The following HNRNPR variants were observed in gnomAD, a reference collection of about 807,000 sequenced individuals.
HNRNPR encodes the protein heterogeneous nuclear ribonucleoprotein R.
Under a neutral mutation model 70.3 loss-of-function variants are expected in HNRNPR, and 4 were observed. The observed-to-expected ratio is 0.06, with a 90% CI of 0.03 to 0.13. The LOEUF (loss-of-function observed/expected upper bound fraction) is 0.13, where lower values mean the gene tolerates loss of function less well. HNRNPR is among the 10% of genes least tolerant of loss of function. HNRNPR has a pLI of 1.00. For synonymous variants in HNRNPR, 241 were observed against 267.6 expected (o/e 0.90, Z 0.97); for missense variants, 423 against 788.5 (o/e 0.54, Z 5.55).
chr1:23,318,362 CA>C lies in HNRNPR; in HGVS notation c.1017+120del. 1.2e-6 allele frequency: 1 copy of C among 814,030 alleles called. No individual in the cohort carries two copies. The highest frequency in any genetic ancestry group is 1.9e-6 in the Non-Finnish European group (1 of 515,238). The allele number at this position is 814,030 out of a possible 1,614,324, so 50.4% of individuals were successfully genotyped here. A position where few individuals can be genotyped will look rare whatever the true frequency, so the allele number is the denominator to read the frequency against. On this transcript the variant is annotated intron_variant, in intron 8 of 10. Transcript: ENST00000302271. The surrounding 1 kb of genome is among the most constrained non-coding windows in gnomAD (Gnocchi z 4.2). ...CTTTAGTGTTAAAGCCGCTCCTTGC[CA>C]AACAGTTGAAGTCTAAAGCTACAAT...
chr1:23,340,543 T>C (rs1027885586), intron 2 of HNRNPR, among the ~76,000 whole-genome samples: 1 of 152,174 alleles, frequency 6.6e-6, no homozygotes, highest in African/African-American at 2.4e-5. Context: ...ATGACTGATT[T>C]TGATTAAGAA....
rs149691037 is a variant in HNRNPR, at chr1:23,326,255, C to A, written c.499-2523G>T. Among the ~76,000 whole-genome samples the A allele has an allele frequency of 1.1e-3, 164 of 152,076 alleles. 1 individual carries two copies. The highest frequency in any genetic ancestry group is 6.8e-3 in the Middle Eastern group (2 of 294). ...CAACACATCTACTACATGCTTAATA[C>A]CGTGAAGCCAAAGAGAAGTAGAAAC... On this transcript the variant is annotated intron_variant, in intron 5 of 10. Coordinates refer to ENST00000302271, the MANE Select transcript of HNRNPR (RefSeq NM_005826.5).
rs1305862048 is a variant in HNRNPR at position 23,309,340 on chromosome 1, G to A, written c.*1114C>T. On this transcript the variant is annotated 3_prime_UTR_variant, in exon 11 of 11. Transcript: ENST00000302271. ...AGTCCGCAGTGCAATTGACGCCACA[G>A]TACTAACAATTTTCCCTGTATGTAC... 1 of 152,092 alleles carries A rather than the reference G, an allele frequency of 6.6e-6. No homozygotes were observed. Among genetic ancestry groups the A allele is most frequent in the Non-Finnish European group, 1.5e-5 (1 of 67,974 alleles). The allele number at this position is 152,092 out of a possible 1,614,324, so 9.4% of individuals were successfully genotyped here.
chr1:23,315,302 AAAAC>A lies in HNRNPR; in HGVS notation c.1018-1604_1018-1601del, dbSNP rs1645496585. ...CTCAAAAAAAAAAAAAAAAAAAAAA[AAAAC>A]AAAAACCCAAAAAATGAAGAGGAGC... On this transcript the variant is annotated intron_variant, in intron 8 of 10. Transcript: ENST00000302271. 2.0e-4 allele frequency among the ~76,000 whole-genome samples: 25 copies of A among 127,172 alleles called. 1 individual carries two copies. The highest frequency in any genetic ancestry group is 8.5e-4 in the African/African-American group (25 of 29,536). The allele number at this position is 127,172 out of a possible 152,430, so 83.4% of individuals were successfully genotyped here. A position where few individuals can be genotyped will look rare whatever the true frequency, so the allele number is the denominator to read the frequency against.
chr1:23,307,874 G>A lies in HNRNPR; in HGVS notation c.*2580C>T, dbSNP rs375417649. 9.3e-5 allele frequency: 14 copies of A among 149,906 alleles called. No individual in the cohort carries two copies. The highest frequency in any genetic ancestry group is 3.4e-4 in the African/African-American group (14 of 40,782). 9.3% of individuals were successfully genotyped at this position (149,906 alleles called of 1,614,324 possible). The stretch of plus-strand genomic sequence containing the variant: ...AAAAAGATGGAAAGACAGGAGAGCA[G>A]GAAACCAAATTCCTTACACTCATAA... On this transcript the variant is annotated 3_prime_UTR_variant, in exon 11 of 11. Coordinates refer to ENST00000302271, the MANE Select transcript of HNRNPR (RefSeq NM_005826.5).
intron 8 of HNRNPR, among the ~76,000 whole-genome samples, chr1:23,315,302 A>AC (rs1248993845): frequency 0.013 from 1,607 of 127,130 alleles, 114 homozygotes; most frequent in Admixed American, 0.029. Context: ...AAAAAAAAAA[A>AC]AAACAAAAAC....
intron 1 of HNRNPR, among the ~76,000 whole-genome samples, chr1:23,343,579 G>A (rs184422878): frequency 3.2e-4 from 48 of 152,242 alleles, no homozygotes; most frequent in African/African-American, 1.1e-3. Context: ...TCCATTTCAG[G>A]CGCCGCTTGG....
intron 6 of HNRNPR, 112 bp from the exon 7 acceptor site, chr1:23,321,775 C>T: frequency 2.1e-6 from 2 of 962,884 alleles, no homozygotes; most frequent in Non-Finnish European, 3.0e-6. Context: ...TTCATCAACT[C>T]ACCAAGTTCC....
At chr1:23,325,079 G>A (rs2148398986) in intron 5 of HNRNPR, among the ~76,000 whole-genome samples, 1 of 152,182 alleles carries the variant, frequency 6.6e-6, no homozygotes, top group East Asian at 1.9e-4. Context: ...GGCGGAGCTT[G>A]CAGGGAGCCG....
chr1:23,324,020 A>T (rs1207492671), intron 5 of HNRNPR, among the ~76,000 whole-genome samples: 1 of 152,062 alleles, frequency 6.6e-6, no homozygotes, highest in African/African-American at 2.4e-5. Context: ...TCATAAAAAC[A>T]GAATAAAGGA....
At chr1:23,326,740 G>A (rs973410000) in intron 5 of HNRNPR, among the ~76,000 whole-genome samples, 5 of 152,226 alleles carry the variant, frequency 3.3e-5, no homozygotes, top group Admixed American at 6.5e-5. Context: ...AGCTGAGATC[G>A]CGCCATTGCA....
rs963803426 is a variant in HNRNPR, at chr1:23,318,353, G to A, written c.1017+130C>T. The A allele has an allele frequency of 2.9e-5, 21 of 725,730 alleles. No individual in the cohort carries two copies. The highest frequency in any genetic ancestry group is 1.1e-4 in the South Asian group (6 of 53,692). 45.0% of individuals were successfully genotyped at this position (725,730 alleles called of 1,614,324 possible). A position where few individuals can be genotyped will look rare whatever the true frequency, so the allele number is the denominator to read the frequency against. Reference sequence around the variant, plus strand: ...GGCTGTTAACTTTAGTGTTAAAGCCGCTCCTTGCCAAACAGTTGAAGTCTA... The same window carrying A: ...GGCTGTTAACTTTAGTGTTAAAGCCACTCCTTGCCAAACAGTTGAAGTCTA... On this transcript the variant is annotated intron_variant, in intron 8 of 10. Transcript: ENST00000302271. This position sits in a 1 kb window ranked among gnomAD's most constrained non-coding sequence, Gnocchi z 4.2.
chr1:23,341,719 T>TA (rs956903972), intron 1 of HNRNPR, among the ~76,000 whole-genome samples: 293 of 151,284 alleles, frequency 1.9e-3, no homozygotes, highest in African/African-American at 6.7e-3. Flanking sequence ...GGTTGCTTCT[T>TA]AAAAAAAAAG....
At position 23,318,169 on chromosome 1, in the gene HNRNPR, A is replaced by G. The variant is rs548823660; in HGVS notation, c.1017+314T>C. On this transcript the variant is annotated intron_variant, in intron 8 of 10. Coordinates refer to ENST00000302271, the MANE Select transcript of HNRNPR (RefSeq NM_005826.5). This position sits in a 1 kb window ranked among gnomAD's most constrained non-coding sequence, Gnocchi z 4.2. ...ACTTCTCTCTTTACTCAGGACTTTT[A>G]AAAAAAAAAAAAACCTCTATCCCTC... Among the ~76,000 whole-genome samples, 1 of 132,572 alleles carries G rather than the reference A, an allele frequency of 7.5e-6. No individual in the cohort carries two copies. The highest frequency in any genetic ancestry group is 3.3e-5 in the African/African-American group (1 of 30,480). The allele number at this position is 132,572 out of a possible 152,430, so 87.0% of individuals were successfully genotyped here. A position where few individuals can be genotyped will look rare whatever the true frequency, so the allele number is the denominator to read the frequency against.
intron 4 of HNRNPR, among the ~76,000 whole-genome samples, chr1:23,336,103 C>T (rs1481093391): frequency 4.6e-5 from 4 of 86,700 alleles, no homozygotes; most frequent in African/African-American, 1.9e-4. Flanking sequence ...GGCGACAGAG[C>T]GAGACTCCGT....
At chr1:23,327,996 A>C (rs1646059768) in intron 5 of HNRNPR, among the ~76,000 whole-genome samples, 1 of 3,864 alleles carries the variant, frequency 2.6e-4, no homozygotes, top group Admixed American at 4.6e-3. Context: ...ACTCTGTCTC[A>C]AAAAAAAAAA....
chr1:23,322,842 T>C (rs1645811060), intron 6 of HNRNPR, among the ~76,000 whole-genome samples: 1 of 152,186 alleles, frequency 6.6e-6, no homozygotes, highest in African/African-American at 2.4e-5. Flanking sequence ...ACATTGTTAT[T>C]TTAAGATACT....
chr1:23,344,191 C>G lies in HNRNPR; in HGVS notation c.-10+20G>C, dbSNP rs1189558681. ...TCGGGGCTCCCGGCCCCTCCCCCCA[C>G]GGGCCGGCGCGAGACTCACCAGGGC... On this transcript the variant is annotated intron_variant, in intron 1 of 10. Transcript: ENST00000302271. 1 of 152,126 alleles carries G rather than the reference C, an allele frequency of 6.6e-6. No homozygotes were observed. Among genetic ancestry groups the G allele is most frequent in the Non-Finnish European group, 1.5e-5 (1 of 68,032 alleles). The allele number at this position is 152,126 out of a possible 1,614,324, so 9.4% of individuals were successfully genotyped here.
intron 8 of HNRNPR, among the ~76,000 whole-genome samples, chr1:23,316,601 A>G (rs1645556665): frequency 6.6e-6 from 1 of 152,182 alleles, no homozygotes; most frequent in Non-Finnish European, 1.5e-5. Flanking sequence ...CATCTATAAT[A>G]CTATTTTAAA....
Sources: gnomAD v4.1 joint callset for allele counts (sites outside exome capture counted in the v4.1 genomes callset) on GRCh38, gnomAD v4.1.1 for gene constraint, Gnocchi (gnomAD v3.1) non-coding constraint, MANE v1.5 for transcripts, NCBI Gene and HGNC (gene_info 2026-07-23, HGNC 2026-07-21) for gene names.